Variants in LRRC4C observed in about 807,000 individuals in gnomAD.
The protein encoded by LRRC4C is leucine rich repeat containing 4C, also known as leucine-rich repeat-containing protein 4C.
Under a neutral mutation model 33.6 loss-of-function variants are expected in LRRC4C, and 5 were observed. The observed-to-expected ratio is 0.15, with a 90% confidence interval of 0.08 to 0.31. LRRC4C has a LOEUF of 0.31. Ranked by LOEUF, LRRC4C falls within the 10% of genes least tolerant of loss-of-function variation. LRRC4C has a pLI of 1.00. For synonymous variants in LRRC4C, 329 were observed against 302.0 expected, an observed-to-expected ratio of 1.09 and a Z score of -0.93; for missense variants, 560 against 796.7, an observed-to-expected ratio of 0.70 and a Z score of 3.58.
rs572587822 is a variant in LRRC4C, at chr11:40,331,984, G to C, written c.-269-12263C>G. ...CTCTAGAGAACCCTAGTGAATACAG[G>C]TAAGATTAGCAGCATTGACCCAAGT... On this transcript the variant is annotated intron_variant, in intron 3 of 6. Transcript: ENST00000528697. 6.6e-5 allele frequency among the ~76,000 whole-genome samples: 10 copies of C among 152,274 alleles called. No individual in the cohort carries two copies. The South Asian group carries it at 2.1e-3, about 32-fold the overall frequency.
chr11:41,223,795 G>C (rs555127421), intron 1 of LRRC4C, among the ~76,000 whole-genome samples: 1 of 152,330 alleles, frequency 6.6e-6, no homozygotes, highest in East Asian at 1.9e-4. Context: ...GAATGGGCTT[G>C]TGTTCCCCAA....
chr11:40,898,247 G>A (rs1271638130), intron 2 of LRRC4C, among the ~76,000 whole-genome samples: 5 of 149,980 alleles, frequency 3.3e-5, no homozygotes, highest in African/African-American at 9.8e-5. Context: ...CCAGCTACTC[G>A]GGAGGCTGAG....
intron 3 of LRRC4C, among the ~76,000 whole-genome samples, chr11:40,536,221 G>A (rs759228784): frequency 3.3e-5 from 5 of 151,612 alleles, no homozygotes; most frequent in African/African-American, 1.2e-4. Flanking sequence ...TTGAGACAGC[G>A]TCTCACTCTG....
chr11:40,780,773 A>C (rs1950180844), intron 2 of LRRC4C, among the ~76,000 whole-genome samples: 1 of 147,086 alleles, frequency 6.8e-6, no homozygotes, highest in Admixed American at 6.8e-5. Flanking sequence ...TAGCAAATTG[A>C]AAACTGATAA....
At chr11:41,392,264 A>C (rs978731436) in intron 1 of LRRC4C, among the ~76,000 whole-genome samples, 1 of 151,670 alleles carries the variant, frequency 6.6e-6, no homozygotes, top group Non-Finnish European at 1.5e-5. Flanking sequence ...CACGTGGTGA[A>C]TTTTCTTGTC....
chr11:41,274,960 G>T (rs1949436980), intron 1 of LRRC4C, among the ~76,000 whole-genome samples: 1 of 152,098 alleles, frequency 6.6e-6, no homozygotes, highest in Non-Finnish European at 1.5e-5. Flanking sequence ...AGATGTATGG[G>T]TCATGGGGGT....
intron 3 of LRRC4C, among the ~76,000 whole-genome samples, chr11:40,542,640 T>C (rs1470971932): frequency 1.6e-5 from 2 of 127,788 alleles, no homozygotes; most frequent in Non-Finnish European, 3.0e-5. Flanking sequence ...AAGTTCTTTC[T>C]CTCTCTCTCT....
chr11:40,534,142 A>T (rs1331077996), intron 3 of LRRC4C, among the ~76,000 whole-genome samples: 1 of 152,130 alleles, frequency 6.6e-6, no homozygotes, highest in African/African-American at 2.4e-5. Context: ...CATGAGGATT[A>T]TAGTGTTTAC....
intron 3 of LRRC4C, among the ~76,000 whole-genome samples, chr11:40,451,366 CTTTTTTTTTTTTTTT>C (rs71060962): frequency 7.6e-4 from 36 of 47,088 alleles, no homozygotes; most frequent in Admixed American, 2.9e-3. Flanking sequence ...GAAATAATGA[CTTTTTTTTTTTTTTT>C]TTTTTTTTTT....
chr11:40,446,024 C>A (rs1372121215), intron 3 of LRRC4C: 1 of 152,176 alleles, frequency 6.6e-6, no homozygotes, highest in Non-Finnish European at 1.5e-5. Flanking sequence ...TGTGTATTCT[C>A]TGAAATGAGC....
At chr11:40,335,804 C>T (rs1257865960) in intron 3 of LRRC4C, among the ~76,000 whole-genome samples, 2 of 152,166 alleles carry the variant, frequency 1.3e-5, no homozygotes, top group Non-Finnish European at 2.9e-5. Flanking sequence ...CACTGTGTAA[C>T]GCAGGTAAGT....
intron 5 of LRRC4C, among the ~76,000 whole-genome samples, chr11:40,162,642 C>A (rs886551700): frequency 6.6e-6 from 1 of 152,136 alleles, no homozygotes; most frequent in African/African-American, 2.4e-5. Context: ...TGTTCATCCG[C>A]TTGTTTCCTT....
chr11:40,990,248 TA>T (rs1565277664), intron 1 of LRRC4C, among the ~76,000 whole-genome samples: 1 of 136,774 alleles, frequency 7.3e-6, no homozygotes, highest in Non-Finnish European at 1.6e-5. Context: ...TATATATATA[TA>T]TATATATATA....
intron 1 of LRRC4C, among the ~76,000 whole-genome samples, chr11:41,167,708 G>A (rs2129512): frequency 0.027 from 4,097 of 152,226 alleles, 193 homozygotes; most frequent in African/African-American, 0.093. Flanking sequence ...CAAAGCAGAA[G>A]CTTCCCAGTA....
intron 1 of LRRC4C, among the ~76,000 whole-genome samples, chr11:41,061,565 A>C (rs1937769260): frequency 6.6e-6 from 1 of 152,234 alleles, no homozygotes; most frequent in Non-Finnish European, 1.5e-5. Context: ...CTCTAATACA[A>C]TATGACCACA....
intron 3 of LRRC4C, among the ~76,000 whole-genome samples, chr11:40,333,575 G>A (rs1171872106): frequency 1.3e-5 from 2 of 151,926 alleles, no homozygotes; most frequent in Non-Finnish European, 2.9e-5. Flanking sequence ...AAACTAGCAG[G>A]GGGTGGTGGC....
chr11:40,752,425 A>G (rs1948737639), intron 2 of LRRC4C, among the ~76,000 whole-genome samples: 1 of 152,082 alleles, frequency 6.6e-6, no homozygotes, highest in South Asian at 2.1e-4. Context: ...TCATCACACT[A>G]AAAAGTGGAC....
chr11:41,411,311 G>T (rs1954479457), intron 1 of LRRC4C, among the ~76,000 whole-genome samples: 1 of 151,238 alleles, frequency 6.6e-6, no homozygotes, highest in South Asian at 2.1e-4. Context: ...ACCACGCCCA[G>T]CTAATTTTTT....
intron 1 of LRRC4C, among the ~76,000 whole-genome samples, chr11:40,972,710 T>C (rs906753906): frequency 3.9e-5 from 6 of 152,100 alleles, no homozygotes; most frequent in Non-Finnish European, 8.8e-5. Context: ...TCAGATCTCA[T>C]GAAAACTCAC....
Sources: allele counts gnomAD v4.1 joint callset (sites outside exome capture counted in the v4.1 genomes callset), GRCh38; gene constraint gnomAD v4.1.1; transcripts MANE v1.5; gene names NCBI Gene and HGNC (gene_info 2026-07-23, HGNC 2026-07-21).